MALRD1: variants seen among roughly 807,000 people sequenced by gnomAD.
MALRD1 encodes MAM and LDL-receptor class A domain-containing protein 1.
Under a neutral mutation model 242.1 loss-of-function variants are expected in MALRD1, and 247 were observed. The observed-to-expected ratio is 1.02, with a 90% CI of 0.92 to 1.13. The LOEUF is 1.13. Ranked by LOEUF, MALRD1 falls within the 50% of genes most tolerant of loss-of-function variation. The pLI, the probability that MALRD1 is intolerant of heterozygous loss-of-function variation, is 0.00. For synonymous variants in MALRD1, 995 were observed against 866.6 expected (o/e 1.15, Z -2.60); for missense variants, 2,989 against 2,533.1 (o/e 1.18, Z -3.86).
chr10:19,620,909 G>A (rs12257306), intron 36 of MALRD1, among the ~76,000 whole-genome samples: 13,537 of 151,482 alleles, frequency 0.089, 1,478 homozygotes, highest in African/African-American at 0.26. Flanking sequence ...TTTTCTATGT[G>A]TGCAACAAGA....
Position 19,312,591 on chromosome 10 carries a change from A to C in MALRD1, c.3420-11358A>C, listed in dbSNP as rs978647042. The stretch of plus-strand genomic sequence containing the variant: ...AATTTTAAACACAAGATACTTTTCC[A>C]GTTTTTTTCAGACCCTGATAATATT... On this transcript the variant is annotated intron_variant, in intron 21 of 39. Coordinates refer to ENST00000454679, the MANE Select transcript of MALRD1 (RefSeq NM_001142308.3). Among the ~76,000 whole-genome samples, 3 of 151,182 alleles carry C rather than the reference A, an allele frequency of 2.0e-5. No homozygotes were observed. In the East Asian group the frequency reaches 5.9e-4, roughly 29 times the overall value.
chr10:19,591,602 G>A (rs769603015), intron 33 of MALRD1, among the ~76,000 whole-genome samples: 7 of 150,444 alleles, frequency 4.7e-5, no homozygotes, highest in Non-Finnish European at 8.8e-5. Flanking sequence ...CGGTTCAAGC[G>A]ATAATCTTGC....
intron 21 of MALRD1, among the ~76,000 whole-genome samples, chr10:19,315,033 T>C (rs1324466597): frequency 7.0e-6 from 1 of 142,054 alleles, no homozygotes; most frequent in African/African-American, 2.6e-5. Context: ...ATAAATATAA[T>C]TTATATAAAT....
intron 36 of MALRD1, among the ~76,000 whole-genome samples, chr10:19,672,643 C>G (rs948788369): frequency 1.3e-5 from 2 of 151,918 alleles, no homozygotes; most frequent in Admixed American, 6.6e-5. Context: ...GGGCTGAAGT[C>G]GAACTCCTGA....
chr10:19,435,463 A>C (rs1420912548), intron 28 of MALRD1, among the ~76,000 whole-genome samples: 5 of 152,064 alleles, frequency 3.3e-5, no homozygotes, highest in Non-Finnish European at 7.4e-5. Flanking sequence ...GCTGGTTGTG[A>C]CAGTTTCCCA....
intron 13 of MALRD1, among the ~76,000 whole-genome samples, chr10:19,172,410 A>G (rs938413859): frequency 1.3e-5 from 2 of 151,608 alleles, no homozygotes; most frequent in Non-Finnish European, 3.0e-5. Flanking sequence ...TATGAATTTA[A>G]CTATGTAGAA....
At chr10:19,227,043 T>A (rs1270621596) in intron 18 of MALRD1, among the ~76,000 whole-genome samples, 4 of 152,044 alleles carry the variant, frequency 2.6e-5, no homozygotes, top group Non-Finnish European at 4.4e-5. Flanking sequence ...CATTGGTAAA[T>A]ATATATGTAA....
intron 25 of MALRD1, among the ~76,000 whole-genome samples, chr10:19,350,277 T>C (rs1588951131): frequency 1.4e-5 from 2 of 147,764 alleles, no homozygotes; most frequent in African/African-American, 5.0e-5. Context: ...TTTTCTTTTT[T>C]TTTTTTTTTT....
At chr10:19,389,023 T>C (rs1450012778) in intron 27 of MALRD1, among the ~76,000 whole-genome samples, 1 of 152,212 alleles carries the variant, frequency 6.6e-6, no homozygotes, top group Admixed American at 6.5e-5. Flanking sequence ...TCTTCCCATG[T>C]TACTTACTAA....
intron 2 of MALRD1, among the ~76,000 whole-genome samples, chr10:19,086,200 T>G (rs1835663258): frequency 6.6e-6 from 1 of 152,072 alleles, no homozygotes; most frequent in Admixed American, 6.6e-5. Context: ...TTAATTAGGA[T>G]GCAATTTTGG....
At chr10:19,411,490 T>G (rs1257249417) in intron 28 of MALRD1, among the ~76,000 whole-genome samples, 1 of 152,234 alleles carries the variant, frequency 6.6e-6, no homozygotes, top group Non-Finnish European at 1.5e-5. Flanking sequence ...TCTAACTACA[T>G]GATCTTATTT....
chr10:19,626,971 T>C (rs1468073063), intron 36 of MALRD1, among the ~76,000 whole-genome samples: 3 of 152,134 alleles, frequency 2.0e-5, no homozygotes, highest in East Asian at 1.9e-4. Context: ...AAAGTCATTG[T>C]AATAAATATT....
At chr10:19,707,421 G>C (rs182775428) in intron 38 of MALRD1, among the ~76,000 whole-genome samples, 13 of 152,270 alleles carry the variant, frequency 8.5e-5, no homozygotes, top group African/African-American at 3.1e-4. Context: ...TAACTGATAC[G>C]AACAAGGCAA....
chr10:19,141,055 C>T (rs1002232757), intron 10 of MALRD1, among the ~76,000 whole-genome samples: 1 of 152,110 alleles, frequency 6.6e-6, no homozygotes, highest in African/African-American at 2.4e-5. Context: ...ACCTTAGTTA[C>T]AATTTTATTT....
intron 28 of MALRD1, among the ~76,000 whole-genome samples, chr10:19,445,111 T>C (rs758956457): frequency 1.2e-4 from 19 of 152,356 alleles, no homozygotes; most frequent in Non-Finnish European, 2.4e-4. Context: ...CTACTGAAGC[T>C]TGTGCATGTA....
At chr10:19,268,477 A>G (rs1028977303) in intron 19 of MALRD1, among the ~76,000 whole-genome samples, 4 of 152,166 alleles carry the variant, frequency 2.6e-5, no homozygotes, top group African/African-American at 7.2e-5. Flanking sequence ...CCCCAAAGCT[A>G]TAGATATTTA....
intron 28 of MALRD1, among the ~76,000 whole-genome samples, chr10:19,436,700 A>G (rs947450115): frequency 6.6e-6 from 1 of 152,044 alleles, no homozygotes. Flanking sequence ...TTTTTCATAC[A>G]TTTGTAATAC....
intron 18 of MALRD1, among the ~76,000 whole-genome samples, chr10:19,231,871 A>G (rs1173491420): frequency 6.6e-6 from 1 of 152,086 alleles, no homozygotes; most frequent in African/African-American, 2.4e-5. Flanking sequence ...TTTCTACTAA[A>G]ACTTGACTCA....
At chr10:19,664,206 TATAAA>T (rs751478181) in intron 36 of MALRD1, among the ~76,000 whole-genome samples, 11 of 152,082 alleles carry the variant, frequency 7.2e-5, no homozygotes, top group South Asian at 2.1e-4. Context: ...AATGTCATAG[TATAAA>T]ATAAAATAAA....
Sources: allele counts gnomAD v4.1 joint callset (sites outside exome capture counted in the v4.1 genomes callset), GRCh38; gene constraint gnomAD v4.1.1; transcripts MANE v1.5; gene names NCBI Gene and HGNC (gene_info 2026-07-23, HGNC 2026-07-21).